UVSSA: variants seen among roughly 807,000 people sequenced by gnomAD.
UVSSA encodes the protein UV-stimulated scaffold protein A.
Under a neutral mutation model 73.9 loss-of-function variants are expected in UVSSA, and 72 were observed. The ratio of observed to expected loss-of-function variants is 0.97; its 90% confidence interval spans 0.81 to 1.19. The LOEUF (loss-of-function observed/expected upper bound fraction) is 1.19. Among genes scored for constraint, UVSSA ranks in the 50% most tolerant of loss-of-function variants. The pLI, the probability that UVSSA is intolerant of heterozygous loss-of-function variation, is 0.00. For missense variants in UVSSA, 1,150 were observed against 965.0 expected (o/e 1.19, Z -2.54); for synonymous variants, 454 against 391.3 (o/e 1.16, Z -1.89).
In UVSSA at chr4:1,380,239, G is replaced by A. The variant is rs750980546; in HGVS notation, c.1752+9G>A. 6.8e-6 allele frequency: 11 copies of A among 1,606,492 alleles called. No homozygotes were observed. Among genetic ancestry groups the A allele is most frequent in the African/African-American group, 2.7e-5 (2 of 74,834 alleles). ...GCCAAGACCGGCTGAAGGTGAGGCC[G>A]TGGCCCGAGGGCGGGGGTGGGTGTG... On this transcript the variant is annotated intron_variant, in intron 11 of 13. Transcript: ENST00000389851.
chr4:1,377,412 C>G (rs1011198206), intron 10 of UVSSA, among the ~76,000 whole-genome samples: 1 of 152,170 alleles, frequency 6.6e-6, no homozygotes. Flanking sequence ...CCACAGACAC[C>G]GCCCCTAGTG....
intron 2 of UVSSA, 140 bp from the exon 3 acceptor site, chr4:1,349,384 C>T: frequency 1.2e-6 from 1 of 831,482 alleles, no homozygotes; most frequent in Non-Finnish European, 1.8e-6. Flanking sequence ...GCAGACCCTG[C>T]TCTAGAAAAG....
At chr4:1,362,615 C>G (rs554671337) in intron 7 of UVSSA, among the ~76,000 whole-genome samples, 1 of 152,246 alleles carries the variant, frequency 6.6e-6, no homozygotes, top group Non-Finnish European at 1.5e-5. Flanking sequence ...AGAGCCCCCC[C>G]GCACCGGTGC....
At chr4:1,350,700 C>T (rs1042482019) in intron 3 of UVSSA, among the ~76,000 whole-genome samples, 2 of 149,920 alleles carry the variant, frequency 1.3e-5, no homozygotes, top group African/African-American at 4.9e-5. Context: ...GAAGCCGAGG[C>T]TGGTGGATCA....
intron 8 of UVSSA, among the ~76,000 whole-genome samples, chr4:1,371,262 G>GTA (rs1718001643): frequency 1.6e-5 from 2 of 126,182 alleles, no homozygotes; most frequent in Admixed American, 1.5e-4. Context: ...GGACCTGTGT[G>GTA]TGTGTGTGTG....
At chr4:1,394,097 C>G (rs1045855736) in exon 14 of UVSSA, 9 of 310,808 alleles carry the variant, frequency 2.9e-5, no homozygotes, top group Admixed American at 4.9e-5. Context: ...GCCTTCACTT[C>G]TTACTTGCAC....
At chr4:1,363,168 G>A (rs1005679258) in intron 7 of UVSSA, among the ~76,000 whole-genome samples, 10 of 152,080 alleles carry the variant, frequency 6.6e-5, no homozygotes, top group Non-Finnish European at 1.5e-4. Context: ...TGGCTGTGGT[G>A]GGACCTTGCC....
chr4:1,356,855 G>C (rs1320365573), intron 7 of UVSSA: 1 of 152,472 alleles, frequency 6.6e-6, no homozygotes, highest in African/African-American at 2.4e-5. Context: ...CTGAGACCCT[G>C]CACCAGGCAC....
At chr4:1,375,306 T>C (rs11946956) in intron 8 of UVSSA, 58 bp from the exon 9 acceptor site, 1 of 1,601,564 alleles carries the variant, frequency 6.2e-7, no homozygotes, top group Non-Finnish European at 8.5e-7. Context: ...CGGTCTTGCC[T>C]GATGTGCCTG....
At chr4:1,394,780 C>T in exon 14 of UVSSA, 1 of 1,574,930 alleles carries the variant, frequency 6.3e-7, no homozygotes, top group Non-Finnish European at 8.6e-7. Flanking sequence ...CTCACATGTG[C>T]CGATGTGGAG....
chr4:1,385,735 C>T (rs1720045023), intron 13 of UVSSA, 133 bp from the exon 14 acceptor site: 2 of 886,250 alleles, frequency 2.3e-6, no homozygotes, highest in East Asian at 5.0e-5. Context: ...AGGTGGCACC[C>T]ACAGGCAGTC....
At chr4:1,344,574 G>A (rs1560406833), upstream of UVSSA, among the ~76,000 whole-genome samples, 2 of 152,094 alleles carry the variant, frequency 1.3e-5, no homozygotes, top group Non-Finnish European at 2.9e-5. Flanking sequence ...CAAGAATATC[G>A]TCTAACTCTC....
chr4:1,394,341 C>A, exon 14 of UVSSA: 3 of 1,176,976 alleles, frequency 2.5e-6, no homozygotes, highest in Non-Finnish European at 2.3e-6. Context: ...GAATGCTCTT[C>A]CCCCTTAAAG....
At chr4:1,366,970 G>A (rs1326103856) in intron 8 of UVSSA, among the ~76,000 whole-genome samples, 3 of 152,188 alleles carry the variant, frequency 2.0e-5, no homozygotes. Context: ...GCAGCTACAG[G>A]AGCTGTTGCT....
At chr4:1,355,999 C>T (rs1715681775) in intron 7 of UVSSA, among the ~76,000 whole-genome samples, 1 of 152,140 alleles carries the variant, frequency 6.6e-6, no homozygotes, top group Admixed American at 6.5e-5. Context: ...TGCAGACGTC[C>T]TCGGCAGCAC....
At chr4:1,378,744 C>T (rs1719076842) in intron 10 of UVSSA, among the ~76,000 whole-genome samples, 1 of 152,216 alleles carries the variant, frequency 6.6e-6, no homozygotes, top group South Asian at 2.1e-4. Context: ...CCCACGGGGC[C>T]TTGGGTGCAG....
At chr4:1,395,268 A>G in exon 14 of UVSSA, 1 of 1,559,178 alleles carries the variant, frequency 6.4e-7, no homozygotes, top group South Asian at 1.1e-5. Context: ...CCGCCTGCTC[A>G]CGTGCCGATG....
chr4:1,349,053 G>C (rs1226553984), intron 2 of UVSSA, among the ~76,000 whole-genome samples: 3 of 102,680 alleles, frequency 2.9e-5, no homozygotes, highest in Admixed American at 1.9e-4. Flanking sequence ...TTTGTGCCGG[G>C]CGGTTGGCGT....
In UVSSA at chr4:1,383,905, C is replaced by T. The variant is rs754275170; in HGVS notation, c.2001C>T (p.Thr667=). The T allele has an allele frequency of 1.9e-5, 30 of 1,613,008 alleles. No homozygotes were observed. Among genetic ancestry groups the T allele is most frequent in the Middle Eastern group, 3.3e-4 (2 of 6,070 alleles). ...CCAACCTGAAGGCTCAGGCTGATAC[C>T]GCCCGCGCTCGCATTGGGAGAAAAG... ...SLTNLKAQAD[T]ARARIGRKVF... The change falls in exon 13 of 14, where the codon ACC becomes ACT. Residue 667 remains threonine (T), a synonymous_variant. Coordinates refer to ENST00000389851, the MANE Select transcript of UVSSA (RefSeq NM_020894.4).
Sources: allele counts gnomAD v4.1 joint callset (sites outside exome capture counted in the v4.1 genomes callset), GRCh38; gene constraint gnomAD v4.1.1; transcripts MANE v1.5; gene names NCBI Gene and HGNC (gene_info 2026-07-23, HGNC 2026-07-21).